Variants in MTA1 observed in about 807,000 individuals in gnomAD.
MTA1 encodes metastasis-associated protein MTA1.
MTA1 carries 15 observed loss-of-function variants against 97.0 expected under a neutral mutation model. That is an observed-to-expected ratio of 0.15 (90% CI 0.10 to 0.24). MTA1 has a LOEUF of 0.24. Among genes scored for constraint, MTA1 ranks in the 10% least tolerant of loss-of-function variants. The pLI is 1.00. For missense variants in MTA1, 709 were observed against 1,015.1 expected (o/e 0.70, Z 4.10); for synonymous variants, 435 against 417.5 (o/e 1.04, Z -0.51).
chr14:105,436,827 A>G (rs904160432), intron 1 of MTA1, among the ~76,000 whole-genome samples: 1 of 152,220 alleles, frequency 6.6e-6, no homozygotes, highest in Non-Finnish European at 1.5e-5. Flanking sequence ...TTTAAAAAAA[A>G]GTTTGAGATA....
In MTA1 at chr14:105,450,080, G is replaced by C; in HGVS notation, c.264G>C (p.Glu88Asp). 6.2e-7 allele frequency: 1 copy of C among 1,613,546 alleles called. No homozygotes were observed. Among genetic ancestry groups the C allele is most frequent in the South Asian group, 1.1e-5 (1 of 91,064 alleles). The change falls in exon 5 of 21, where the codon GAG (glutamate) becomes GAC (aspartate). Residue 88 changes from glutamate to aspartate, a missense_variant. Glu to Asp is a conservative substitution (Grantham distance 45, BLOSUM62 2). Coordinates refer to ENST00000331320, the MANE Select transcript of MTA1 (RefSeq NM_004689.4). ...GEEGEIEEEM[E>D]NPEMVDLPEK... ...CAGGGGAAATAGAAGAGGAAATGGA[G>C]AACCCGGAAATGGTGGACCTGCCCG...
At chr14:105,455,980 T>C (rs1444602615) in intron 7 of MTA1, among the ~76,000 whole-genome samples, 5 of 149,042 alleles carry the variant, frequency 3.4e-5, no homozygotes, top group African/African-American at 1.0e-4. Context: ...TGGGTCTGAG[T>C]GTGGAGAGGC....
rs369302606 is a variant in MTA1 at position 105,469,983 on chromosome 14, A to G, written c.1988A>G (p.Glu663Gly). Reference protein sequence around the residue: ...APDDVFYMATEETRKIRKLLS... With the variant: ...APDDVFYMATGETRKIRKLLS... Reference sequence around the variant, plus strand: ...GATGACGTGTTCTACATGGCCACAGAGGAGACCAGGTGGGGCCTTCCCAGG... The same window carrying G: ...GATGACGTGTTCTACATGGCCACAGGGGAGACCAGGTGGGGCCTTCCCAGG... Residue 663 changes from glutamate to glycine, a missense_variant, in exon 20 of 21, where the codon GAG becomes GGG. Glu to Gly is a moderately conservative substitution (Grantham distance 98). Around this residue, in one of 2 missense-constraint regions of MTA1, gnomAD observed 388 missense variants for 421.6 expected, o/e 0.92. Transcript: ENST00000331320. 3.7e-6 allele frequency: 6 copies of G among 1,612,522 alleles called. No individual in the cohort carries two copies. The highest frequency in any genetic ancestry group is 5.1e-6 in the Non-Finnish European group (6 of 1,179,850).
chr14:105,444,149 G>A (rs1049616890), intron 2 of MTA1, among the ~76,000 whole-genome samples: 19 of 151,818 alleles, frequency 1.3e-4, no homozygotes, highest in African/African-American at 4.6e-4. Context: ...CAAGACGGGC[G>A]GATCACGAGG....
At chr14:105,458,406 T>TG in intron 8 of MTA1, 34 bp downstream of exon 8, 3 of 1,586,242 alleles carry the variant, frequency 1.9e-6, no homozygotes, top group Non-Finnish European at 2.6e-6. Flanking sequence ...CCAGCAGGGG[T>TG]GGTGCCTGGA....
chr14:105,451,061 C>G (rs1399178329), intron 6 of MTA1, among the ~76,000 whole-genome samples: 2 of 152,194 alleles, frequency 1.3e-5, no homozygotes, highest in Non-Finnish European at 2.9e-5. Context: ...GCTCTGCTGC[C>G]ACCTGGCTGG....
chr14:105,455,470 C>T (rs942957370), intron 7 of MTA1, among the ~76,000 whole-genome samples: 2 of 152,244 alleles, frequency 1.3e-5, no homozygotes, highest in African/African-American at 4.8e-5. Flanking sequence ...GCCCTCGAGA[C>T]GCAGGGCTCT....
chr14:105,462,796 G>A lies in MTA1; in HGVS notation c.943-388G>A, dbSNP rs372650341. Among the ~76,000 whole-genome samples, 99 of 152,184 alleles carry A rather than the reference G, an allele frequency of 6.5e-4. 2 individuals are homozygous for A. The East Asian group carries it at 7.5e-3, about 12-fold the overall frequency. ...AGGCAGGAGAATTGCTTGAACCCGG[G>A]AGGCAGAGGTTGCAGCGAGCCGAGA... is the stretch of plus-strand genomic sequence containing the variant. On this transcript the variant is annotated intron_variant, in intron 10 of 20. Transcript: ENST00000331320.
chr14:105,467,172 A>G (rs2083629039), intron 18 of MTA1: 1 of 364,324 alleles, frequency 2.7e-6, no homozygotes, highest in Admixed American at 3.9e-5. Context: ...GAGCTTGTAC[A>G]CATGGGTGCC....
At chr14:105,469,567 G>A (rs2083745081) in intron 19 of MTA1, 69 bp downstream of exon 19, 14 of 1,560,102 alleles carry the variant, frequency 9.0e-6, no homozygotes, top group Admixed American at 1.7e-5. Flanking sequence ...TTGGGAAGAG[G>A]CCTGGCCAGC....
chr14:105,465,351 A>C, intron 16 of MTA1, 168 bp downstream of exon 16: 1 of 484,238 alleles, frequency 2.1e-6, no homozygotes, highest in Non-Finnish European at 3.4e-6. Context: ...AGGCTCAGGC[A>C]GACCCACTGG....
chr14:105,436,540 G>A (rs1435377327), intron 1 of MTA1, among the ~76,000 whole-genome samples: 6 of 152,090 alleles, frequency 3.9e-5, no homozygotes, highest in South Asian at 2.1e-4. Context: ...GTTTTCCTGC[G>A]CCAGCAGCTT....
chr14:105,460,133 A>C (rs1223261372), intron 8 of MTA1, among the ~76,000 whole-genome samples: 1 of 48,052 alleles, frequency 2.1e-5, no homozygotes, highest in African/African-American at 9.3e-5. Context: ...TGCCTGGGGG[A>C]AGTCCGTGCT....
chr14:105,430,156 G>A (rs782312437), intron 1 of MTA1, among the ~76,000 whole-genome samples: 1 of 152,170 alleles, frequency 6.6e-6, no homozygotes, highest in Non-Finnish European at 1.5e-5. Context: ...CTTGGCTTTC[G>A]ACAGGCCTTC....
chr14:105,420,652 T>C lies in MTA1; in HGVS notation c.28+589T>C, dbSNP rs1266426915. ...ACGCCTCTAAGTCCCCCCAAACTTT[T>C]CCCTGCCTCTCGCTCACCTCAGCCC... On this transcript the variant is annotated intron_variant, in intron 1 of 20. Transcript: ENST00000331320. This position sits in a 1 kb window ranked among gnomAD's most constrained non-coding sequence, Gnocchi z 5.3. 6.6e-6 allele frequency among the ~76,000 whole-genome samples: 1 copy of C among 152,120 alleles called. No homozygotes were observed. The highest frequency in any genetic ancestry group is 1.5e-5 in the Non-Finnish European group (1 of 67,982).
Position 105,450,038 on chromosome 14 carries a change from A to G in MTA1, c.242-20A>G. Reference sequence around the variant, plus strand: ...AGTGTGCGTCTGCCGCGGTGCTGACAGGGGCTCCTTGTCCTTCAGGGGAAA... The same window carrying G: ...AGTGTGCGTCTGCCGCGGTGCTGACGGGGGCTCCTTGTCCTTCAGGGGAAA... On this transcript the variant is annotated intron_variant, in intron 4 of 20. Transcript: ENST00000331320. The G allele has an allele frequency of 1.9e-6, 3 of 1,613,278 alleles. No homozygotes were observed. The highest frequency in any genetic ancestry group is 1.7e-5 in the Admixed American group (1 of 60,006).
At position 105,450,368 on chromosome 14, in the gene MTA1, C is replaced by T. The variant is rs782701060; in HGVS notation, c.432+44C>T. The T allele has an allele frequency of 1.3e-5, 20 of 1,575,136 alleles. No homozygotes were observed. In the East Asian group the frequency reaches 3.8e-4, roughly 30 times the overall value. On this transcript the variant is annotated intron_variant, in intron 6 of 20. Coordinates refer to ENST00000331320, the MANE Select transcript of MTA1 (RefSeq NM_004689.4). ...TGGTCTGCCGCAGCCAGTCCCGGGC[C>T]ACTGTTTCCTCTACCTATGACCTCT...
rs2141398630 is a variant in MTA1, at chr14:105,424,921, C to G, written c.28+4858C>G. 6.6e-6 allele frequency among the ~76,000 whole-genome samples: 1 copy of G among 152,374 alleles called. No individual in the cohort carries two copies. The highest frequency in any genetic ancestry group is 2.1e-4 in the South Asian group (1 of 4,832). Reference sequence around the variant, plus strand: ...ATCCCTCGCGCCCGACCCGCCCTGGCAGTGCCGTTCCCGCCCGTGTGTGTG... The same window carrying G: ...ATCCCTCGCGCCCGACCCGCCCTGGGAGTGCCGTTCCCGCCCGTGTGTGTG... On this transcript the variant is annotated intron_variant, in intron 1 of 20. Coordinates refer to ENST00000331320, the MANE Select transcript of MTA1 (RefSeq NM_004689.4). This position sits in a 1 kb window ranked among gnomAD's most constrained non-coding sequence, Gnocchi z 4.0.
intron 18 of MTA1, chr14:105,467,256 G>A: frequency 2.7e-6 from 1 of 370,084 alleles, no homozygotes; most frequent in Non-Finnish European, 5.4e-6. Context: ...CAGGCCCCTT[G>A]GGGAAGAGCA....
Sources: gnomAD v4.1 joint callset for allele counts (sites outside exome capture counted in the v4.1 genomes callset) on GRCh38, gnomAD v4.1.1 for gene constraint, gnomAD v4.1.1 regional missense constraint, Gnocchi (gnomAD v3.1) non-coding constraint, MANE v1.5 for transcripts, NCBI Gene and HGNC (gene_info 2026-07-23, HGNC 2026-07-21) for gene names.